Variants in DLGAP1 observed in about 807,000 individuals in gnomAD.
DLGAP1 encodes disks large-associated protein 1.
In DLGAP1, 11 loss-of-function variants were observed where a neutral mutation model predicts 90.8. The ratio of observed to expected loss-of-function variants is 0.12; its 90% CI spans 0.08 to 0.20. DLGAP1 has a LOEUF of 0.20. Among genes scored for constraint, DLGAP1 ranks in the 10% least tolerant of loss-of-function variants. The probability of loss-of-function intolerance (pLI) is 1.00; values close to 1 mark genes in which losing one functional copy is unlikely to be tolerated. For missense variants in DLGAP1, 1,050 were observed against 1,333.8 expected, an observed-to-expected ratio of 0.79 and a Z score of 3.31; for synonymous variants, 558 against 540.7, an observed-to-expected ratio of 1.03 and a Z score of -0.44.
At chr18:4,349,997 T>C (rs2081374257) in intron 1 of DLGAP1, among the ~76,000 whole-genome samples, 1 of 152,142 alleles carries the variant, frequency 6.6e-6, no homozygotes, top group African/African-American at 2.4e-5. Context: ...AGTTTAAACG[T>C]GCCATTTTAT....
chr18:3,647,576 C>T (rs1340815777), intron 7 of DLGAP1, among the ~76,000 whole-genome samples: 2 of 151,774 alleles, frequency 1.3e-5, no homozygotes, highest in Non-Finnish European at 2.9e-5. Flanking sequence ...AGCGATTCTC[C>T]TGCCTTAGCC....
chr18:3,633,095 G>A (rs1162732640), intron 7 of DLGAP1, among the ~76,000 whole-genome samples: 1 of 152,204 alleles, frequency 6.6e-6, no homozygotes, highest in Non-Finnish European at 1.5e-5. Context: ...CCTACTCTAG[G>A]TACCATCAAA....
At chr18:3,803,903 T>C (rs1367796193) in intron 5 of DLGAP1, among the ~76,000 whole-genome samples, 2 of 144,260 alleles carry the variant, frequency 1.4e-5, no homozygotes, top group African/African-American at 5.1e-5. Flanking sequence ...AAAATTAAAA[T>C]ATTACTAGCT....
intron 1 of DLGAP1, among the ~76,000 whole-genome samples, chr18:4,446,078 A>C (rs1468345197): frequency 6.6e-6 from 1 of 152,166 alleles, no homozygotes; most frequent in East Asian, 1.9e-4. Flanking sequence ...AATAGCTGGA[A>C]CAGCAGAGCC....
chr18:3,674,315 A>G (rs576800876), intron 7 of DLGAP1, among the ~76,000 whole-genome samples: 1 of 145,312 alleles, frequency 6.9e-6, no homozygotes, highest in South Asian at 2.1e-4. Flanking sequence ...ATATATATGT[A>G]TATTTTAAAA....
chr18:4,083,488 G>C (rs375988606), intron 2 of DLGAP1, among the ~76,000 whole-genome samples: 2 of 152,044 alleles, frequency 1.3e-5, no homozygotes, highest in Admixed American at 6.5e-5. Flanking sequence ...TTATATATGC[G>C]TCAGTATATA....
chr18:4,169,966 A>G lies in DLGAP1; in HGVS notation c.-266-18679T>C, dbSNP rs147859230. The stretch of plus-strand genomic sequence containing the variant: ...AATGTGAAAATAATCCACTCACTCT[A>G]CATTACACTCAGCTCTGTCAGAATT... On this transcript the variant is annotated intron_variant, in intron 1 of 12. Transcript: ENST00000315677. Among the ~76,000 whole-genome samples the G allele has an allele frequency of 3.9e-5, 6 of 152,312 alleles. No individual in the cohort carries two copies. The East Asian group carries it at 1.2e-3, about 29-fold the overall frequency.
chr18:3,520,355 C>T (rs1166464893), intron 10 of DLGAP1, among the ~76,000 whole-genome samples: 1 of 152,176 alleles, frequency 6.6e-6, no homozygotes, highest in African/African-American at 2.4e-5. Context: ...TGGGGCAACT[C>T]CTCCCAACCT....
chr18:4,004,871 A>C lies in DLGAP1; in HGVS notation c.-73+245T>G, dbSNP rs369914811. On this transcript the variant is annotated intron_variant, in intron 3 of 12. Transcript: ENST00000315677. Reference sequence around the variant, plus strand: ...TTTCTATATTATGGTTCCATAAAAAAGTCAGTTTGGGTCCATTAATTGCCT... The same window carrying C: ...TTTCTATATTATGGTTCCATAAAAACGTCAGTTTGGGTCCATTAATTGCCT... Among the ~76,000 whole-genome samples, 24 of 151,802 alleles carry C rather than the reference A, an allele frequency of 1.6e-4. 2 individuals are homozygous for C. The highest frequency in any genetic ancestry group is 4.1e-4 in the African/African-American group (17 of 41,380).
At chr18:3,932,047 A>G (rs1424943022) in intron 3 of DLGAP1, among the ~76,000 whole-genome samples, 1 of 152,206 alleles carries the variant, frequency 6.6e-6, no homozygotes, top group East Asian at 1.9e-4. Flanking sequence ...TGTGGCAGAC[A>G]CCAGACACCG....
At chr18:3,865,824 A>G (rs2070348953) in intron 4 of DLGAP1, among the ~76,000 whole-genome samples, 1 of 152,240 alleles carries the variant, frequency 6.6e-6, no homozygotes, top group Admixed American at 6.5e-5. Flanking sequence ...AGAACAATGT[A>G]TGGTAAACAC....
chr18:3,533,586 A>C (rs1374441232), intron 10 of DLGAP1, among the ~76,000 whole-genome samples: 1 of 151,998 alleles, frequency 6.6e-6, no homozygotes, highest in African/African-American at 2.4e-5. Context: ...TTATATATTT[A>C]TTTTTAGAGA....
chr18:3,620,412 C>T (rs915580103), intron 7 of DLGAP1, among the ~76,000 whole-genome samples: 2 of 152,108 alleles, frequency 1.3e-5, no homozygotes, highest in Admixed American at 6.5e-5. Context: ...TTTCTGACTT[C>T]TGACCTCCAG....
chr18:4,303,584 T>C (rs926169820), intron 1 of DLGAP1, among the ~76,000 whole-genome samples: 24 of 152,330 alleles, frequency 1.6e-4, no homozygotes, highest in African/African-American at 5.5e-4. Context: ...CAAATTTTTT[T>C]CTCCAAACTG....
chr18:3,960,570 A>C (rs2073176848), intron 3 of DLGAP1, among the ~76,000 whole-genome samples: 1 of 152,202 alleles, frequency 6.6e-6, no homozygotes, highest in Non-Finnish European at 1.5e-5. Context: ...TCTCTAAAAA[A>C]ATAATAACAT....
In DLGAP1 at chr18:3,648,998, G is replaced by A. The variant is rs375424133; in HGVS notation, c.1592-66750C>T. ...CGCTTATTCAGCACAGATTTGATTAGTTTTTGGCTATACAGTTCAAAGATT... is the reference window on the plus strand; with the variant it reads ...CGCTTATTCAGCACAGATTTGATTAATTTTTGGCTATACAGTTCAAAGATT... On this transcript the variant is annotated intron_variant, in intron 7 of 12. Coordinates refer to ENST00000315677, the MANE Select transcript of DLGAP1 (RefSeq NM_004746.4). Among the ~76,000 whole-genome samples the A allele has an allele frequency of 2.3e-4, 35 of 152,298 alleles. 1 individual carries two copies. In the South Asian group the frequency reaches 7.0e-3, roughly 31 times the overall value.
At chr18:3,963,829 T>C (rs561579623) in intron 3 of DLGAP1, among the ~76,000 whole-genome samples, 5 of 152,230 alleles carry the variant, frequency 3.3e-5, no homozygotes, top group African/African-American at 1.2e-4. Context: ...TGGCCACATG[T>C]GACCATTGAG....
chr18:4,149,724 A>G (rs1257969886), intron 2 of DLGAP1, among the ~76,000 whole-genome samples: 3 of 152,208 alleles, frequency 2.0e-5, no homozygotes, highest in African/African-American at 7.2e-5. Flanking sequence ...GAATCTAGGT[A>G]TGTGCTCCTT....
intron 1 of DLGAP1, among the ~76,000 whole-genome samples, chr18:4,265,794 C>T: frequency 6.6e-6 from 1 of 151,250 alleles, no homozygotes; most frequent in Non-Finnish European, 1.5e-5. Context: ...CTCAACTGAT[C>T]TTCCTGCCTC....
Sources: gnomAD v4.1 joint callset for allele counts (sites outside exome capture counted in the v4.1 genomes callset) on GRCh38, gnomAD v4.1.1 for gene constraint, MANE v1.5 for transcripts, NCBI Gene and HGNC (gene_info 2026-07-23, HGNC 2026-07-21) for gene names.